The following HS3ST3A1 variants were observed in gnomAD, a reference collection of about 807,000 sequenced individuals.
HS3ST3A1 encodes the protein heparan sulfate glucosamine 3-O-sulfotransferase 3A1.
Under a neutral mutation model 25.7 loss-of-function variants are expected in HS3ST3A1, and 19 were observed. The ratio of observed to expected loss-of-function variants is 0.74; its 90% CI spans 0.52 to 1.08. The LOEUF (loss-of-function observed/expected upper bound fraction) is 1.08. Among genes scored for constraint, HS3ST3A1 ranks in the 50% least tolerant of loss-of-function variants. The probability of loss-of-function intolerance (pLI) is 0.00; values close to 1 mark genes in which losing one functional copy is unlikely to be tolerated. For missense variants in HS3ST3A1, 459 were observed against 594.3 expected, an observed-to-expected ratio of 0.77 and a Z score of 2.37; for synonymous variants, 226 against 278.6, an observed-to-expected ratio of 0.81 and a Z score of 1.88.
At chr17:13,577,067 C>G (rs8066914) in intron 1 of HS3ST3A1, among the ~76,000 whole-genome samples, 1 of 152,142 alleles carries the variant, frequency 6.6e-6, no homozygotes, top group Non-Finnish European at 1.5e-5. Context: ...GACAAGAGGG[C>G]GTGTGCAGGG....
chr17:13,538,700 A>G (rs963008289), intron 1 of HS3ST3A1, among the ~76,000 whole-genome samples: 4 of 152,102 alleles, frequency 2.6e-5, no homozygotes, highest in African/African-American at 7.2e-5. Context: ...GCATCTACCA[A>G]TGAGGAAGTC....
intron 1 of HS3ST3A1, among the ~76,000 whole-genome samples, chr17:13,563,835 C>T (rs1416736493): frequency 7.2e-5 from 11 of 152,122 alleles, no homozygotes; most frequent in Admixed American, 7.2e-4. Context: ...CGTTTCTGTA[C>T]TTTTTAAATG....
chr17:13,524,184 A>G (rs574039372), intron 1 of HS3ST3A1, among the ~76,000 whole-genome samples: 27 of 152,330 alleles, frequency 1.8e-4, no homozygotes, highest in African/African-American at 6.3e-4. Context: ...CATTTTACAA[A>G]TACATCACAG....
rs1454270035 is a variant in HS3ST3A1 at position 13,601,539 on chromosome 17, C to A, written c.-410G>T. On this transcript the variant is annotated 5_prime_UTR_variant, in exon 1 of 2. Transcript: ENST00000284110. Reference sequence around the variant, plus strand: ...CTTCTCGGCGCGGATCTCCGCTCAGCGATCCTGCATCACTGGCTCGGTCCC... The same window carrying A: ...CTTCTCGGCGCGGATCTCCGCTCAGAGATCCTGCATCACTGGCTCGGTCCC... The A allele has an allele frequency of 5.7e-6, 1 of 174,068 alleles. No homozygotes were observed. Among genetic ancestry groups the A allele is most frequent in the African/African-American group, 2.4e-5 (1 of 42,134 alleles). The allele number at this position is 174,068 out of a possible 1,614,324, so 10.8% of individuals were successfully genotyped here. A position where few individuals can be genotyped will look rare whatever the true frequency, so the allele number is the denominator to read the frequency against.
chr17:13,580,460 T>C (rs887290661), intron 1 of HS3ST3A1, among the ~76,000 whole-genome samples: 1 of 152,192 alleles, frequency 6.6e-6, no homozygotes, highest in Non-Finnish European at 1.5e-5. Flanking sequence ...AACATCACAC[T>C]GTACCCTGTT....
At chr17:13,528,309 A>G (rs1282065847) in intron 1 of HS3ST3A1, among the ~76,000 whole-genome samples, 1 of 152,224 alleles carries the variant, frequency 6.6e-6, no homozygotes, top group Non-Finnish European at 1.5e-5. Flanking sequence ...TGCTACTCAG[A>G]TCACCCTTCA....
At chr17:13,504,470 C>T (rs1905590411) in intron 1 of HS3ST3A1, among the ~76,000 whole-genome samples, 1 of 152,042 alleles carries the variant, frequency 6.6e-6, no homozygotes, top group Non-Finnish European at 1.5e-5. Flanking sequence ...TGGTGGTTAC[C>T]CTTAGGGGGA....
At chr17:13,518,998 A>G (rs894157186) in intron 1 of HS3ST3A1, among the ~76,000 whole-genome samples, 1 of 152,224 alleles carries the variant, frequency 6.6e-6, no homozygotes, top group African/African-American at 2.4e-5. Flanking sequence ...TAGATAACTG[A>G]TAGGCTATAT....
At chr17:13,542,842 C>G (rs1161592496) in intron 1 of HS3ST3A1, among the ~76,000 whole-genome samples, 2 of 152,090 alleles carry the variant, frequency 1.3e-5, no homozygotes, top group African/African-American at 4.8e-5. Context: ...ACTACCACCA[C>G]ACACACACCT....
At chr17:13,534,278 A>C (rs1171212200) in intron 1 of HS3ST3A1, among the ~76,000 whole-genome samples, 1 of 152,150 alleles carries the variant, frequency 6.6e-6, no homozygotes, top group Non-Finnish European at 1.5e-5. Context: ...AAAACGGAAA[A>C]GATTGCCATT....
In HS3ST3A1 at chr17:13,575,035, CA is replaced by C. The variant is rs1907916696; in HGVS notation, c.599+25495del. Among the ~76,000 whole-genome samples, 5 of 69,444 alleles carry C rather than the reference CA, an allele frequency of 7.2e-5. No individual in the cohort carries two copies. In the South Asian group the frequency reaches 2.6e-3, roughly 37 times the overall value. The allele number at this position is 69,444 out of a possible 152,430, so 45.6% of individuals were successfully genotyped here. On this transcript the variant is annotated intron_variant, in intron 1 of 1. Coordinates refer to ENST00000284110, the MANE Select transcript of HS3ST3A1 (RefSeq NM_006042.3). ...GTTGCCCCTACCTGGAATTTTTTCTCAGTCTCTCTGTTTATCTAATTCCTAT... is the reference window on the plus strand; with the variant it reads ...GTTGCCCCTACCTGGAATTTTTTCTCGTCTCTCTGTTTATCTAATTCCTAT...
At chr17:13,577,088 T>A (rs1372314130) in intron 1 of HS3ST3A1, among the ~76,000 whole-genome samples, 1 of 152,142 alleles carries the variant, frequency 6.6e-6, no homozygotes, top group Admixed American at 6.5e-5. Flanking sequence ...GAACTCCCCT[T>A]TATAAAATCT....
chr17:13,585,995 C>T (rs991571710), intron 1 of HS3ST3A1, among the ~76,000 whole-genome samples: 7 of 151,548 alleles, frequency 4.6e-5, no homozygotes, highest in African/African-American at 9.7e-5. Context: ...ACTACGGGCG[C>T]GGACTACCAA....
chr17:13,534,146 A>G (rs1248957992), intron 1 of HS3ST3A1, among the ~76,000 whole-genome samples: 1 of 152,128 alleles, frequency 6.6e-6, no homozygotes, highest in Non-Finnish European at 1.5e-5. Flanking sequence ...TGCTTGCTCT[A>G]CTTAGTAGTA....
chr17:13,503,686 C>A (rs1168360763), intron 1 of HS3ST3A1, among the ~76,000 whole-genome samples: 1 of 152,170 alleles, frequency 6.6e-6, no homozygotes, highest in East Asian at 1.9e-4. Context: ...CTATGACACA[C>A]CCACTGGTCA....
intron 1 of HS3ST3A1, among the ~76,000 whole-genome samples, chr17:13,538,815 A>T (rs1271441975): frequency 6.6e-6 from 1 of 152,192 alleles, no homozygotes. Context: ...ATCATGGAAG[A>T]GTCTATAAAA....
intron 1 of HS3ST3A1, among the ~76,000 whole-genome samples, chr17:13,562,058 G>A (rs1455136420): frequency 6.6e-6 from 1 of 152,030 alleles, no homozygotes; most frequent in Non-Finnish European, 1.5e-5. Context: ...GAATTCTCAA[G>A]CAAAGACCAG....
intron 1 of HS3ST3A1, among the ~76,000 whole-genome samples, chr17:13,598,099 G>A (rs1047979225): frequency 1.3e-5 from 2 of 151,836 alleles, no homozygotes; most frequent in Non-Finnish European, 2.9e-5. Context: ...ATTTCTGTTC[G>A]TGTGTGTGTC....
At chr17:13,551,056 G>T (rs1312176397) in intron 1 of HS3ST3A1, among the ~76,000 whole-genome samples, 4 of 93,128 alleles carry the variant, frequency 4.3e-5, no homozygotes, top group Non-Finnish European at 8.2e-5. Flanking sequence ...GACAGAGCGA[G>T]ACTCTGTCTC....
Sources: allele counts gnomAD v4.1 joint callset (sites outside exome capture counted in the v4.1 genomes callset), GRCh38; gene constraint gnomAD v4.1.1; transcripts MANE v1.5; gene names NCBI Gene and HGNC (gene_info 2026-07-23, HGNC 2026-07-21).